The following TMED8 variants were observed in gnomAD, a reference collection of about 807,000 sequenced individuals.
TMED8 encodes the protein transmembrane p24 trafficking protein family member 8.
A neutral mutation model predicts 32.7 loss-of-function variants in TMED8; 15 were observed. The observed-to-expected ratio is 0.46, with a 90% CI of 0.31 to 0.71. The LOEUF is 0.71. Among genes scored for constraint, TMED8 ranks in the 30% least tolerant of loss-of-function variants. TMED8 has a pLI of 0.06. For synonymous variants in TMED8, 147 were observed against 161.4 expected, an observed-to-expected ratio of 0.91 and a Z score of 0.68; for missense variants, 390 against 423.9, an observed-to-expected ratio of 0.92 and a Z score of 0.70.
chr14:77,342,472 G>A (rs866765455), intron 5 of TMED8, among the ~76,000 whole-genome samples: 4 of 152,026 alleles, frequency 2.6e-5, no homozygotes, highest in Non-Finnish European at 5.9e-5. Flanking sequence ...AAGGTTCTCC[G>A]CTTTCCCAGA....
At chr14:77,366,027 C>T (rs1893545503) in intron 1 of TMED8, among the ~76,000 whole-genome samples, 2 of 152,300 alleles carry the variant, frequency 1.3e-5, no homozygotes, top group Admixed American at 6.5e-5. Context: ...CTCCTAGCAA[C>T]ACTTATTTTC....
intron 1 of TMED8, among the ~76,000 whole-genome samples, chr14:77,370,778 CTTT>C: frequency 6.7e-6 from 1 of 149,324 alleles, no homozygotes; most frequent in East Asian, 2.0e-4. Flanking sequence ...TACTTTTTCA[CTTT>C]TTTACACAAA....
rs926099864 is a variant in TMED8, at chr14:77,338,894, CAAAACT to C, written c.*2871_*2876del. 2.0e-5 allele frequency: 3 copies of C among 152,154 alleles called. No homozygotes were observed. Among genetic ancestry groups the C allele is most frequent in the African/African-American group, 7.2e-5 (3 of 41,424 alleles). The allele number at this position is 152,154 out of a possible 1,614,324, so 9.4% of individuals were successfully genotyped here. On this transcript the variant is annotated 3_prime_UTR_variant, in exon 6 of 6. Transcript: ENST00000216468. ...AAAGGCCCATCTCTCAACAAAGTGG[CAAAACT>C]AAAACTAAAGAAATTTAAGAACTCA... is the stretch of plus-strand genomic sequence containing the variant.
intron 2 of TMED8, among the ~76,000 whole-genome samples, chr14:77,349,626 C>A (rs909164578): frequency 2.6e-5 from 4 of 152,130 alleles, no homozygotes; most frequent in Admixed American, 2.0e-4. Flanking sequence ...TTCCTTCCTG[C>A]AGGTTTTCTG....
chr14:77,366,742 T>G (rs1403856537), intron 1 of TMED8, among the ~76,000 whole-genome samples: 1 of 152,200 alleles, frequency 6.6e-6, no homozygotes, highest in Non-Finnish European at 1.5e-5. Context: ...GGCATCACCA[T>G]ATTGAATAGT....
At chr14:77,348,691 A>T (rs1183013036) in intron 2 of TMED8, among the ~76,000 whole-genome samples, 2 of 152,154 alleles carry the variant, frequency 1.3e-5, no homozygotes, top group Non-Finnish European at 2.9e-5. Flanking sequence ...TATACACCTC[A>T]TGGGGGAAAC....
At chr14:77,375,800 A>G (rs1474453838) in intron 1 of TMED8, among the ~76,000 whole-genome samples, 1 of 152,244 alleles carries the variant, frequency 6.6e-6, no homozygotes, top group Non-Finnish European at 1.5e-5. Flanking sequence ...AAGAGACCTT[A>G]CTGTCACAAT....
Position 77,343,711 on chromosome 14 carries a change from C to G in TMED8, c.440G>C (p.Gly147Ala). ...AAAGGTCTCACCTTTCCTGTGGTCC[C>G]CCAGAAGATCTGCAGATTCCAAATC... ...SADLESADLL[G>A]DHRKVSPPLM... The change falls in exon 4 of 6, where the codon GGG (glycine) becomes GCG (alanine). Residue 147 changes from glycine to alanine, a missense_variant. Physicochemically the swap from Gly to Ala is moderately conservative, Grantham distance 60. Coordinates refer to ENST00000216468, the MANE Select transcript of TMED8 (RefSeq NM_213601.3). 1 of 1,614,196 alleles carries G rather than the reference C, an allele frequency of 6.2e-7. No homozygotes were observed. Among genetic ancestry groups the G allele is most frequent in the Non-Finnish European group, 8.5e-7 (1 of 1,180,050 alleles).
intron 1 of TMED8, among the ~76,000 whole-genome samples, chr14:77,369,063 T>C (rs1893620143): frequency 6.6e-6 from 1 of 152,208 alleles, no homozygotes; most frequent in Admixed American, 6.5e-5. Context: ...ACCGAGTTGA[T>C]TTTTTGTGTA....
rs1437660382 is a variant in TMED8, at chr14:77,338,629, T to A, written c.*3142A>T. The stretch of plus-strand genomic sequence containing the variant: ...TATGGCTTTGCCTGGACCTTCTGTC[T>A]CCCTCAAATGTATAAAACTGTAACC... On this transcript the variant is annotated 3_prime_UTR_variant, in exon 6 of 6. Coordinates refer to ENST00000216468, the MANE Select transcript of TMED8 (RefSeq NM_213601.3). 6 of 152,208 alleles carry A rather than the reference T, an allele frequency of 3.9e-5. No individual in the cohort carries two copies. The highest frequency in any genetic ancestry group is 3.9e-4 in the Admixed American group (6 of 15,278). The allele number at this position is 152,208 out of a possible 1,614,324, so 9.4% of individuals were successfully genotyped here. A position where few individuals can be genotyped will look rare whatever the true frequency, so the allele number is the denominator to read the frequency against.
Position 77,338,989 on chromosome 14 carries a change from T to C in TMED8, c.*2782A>G, listed in dbSNP as rs915886436. The C allele has an allele frequency of 6.6e-6, 1 of 152,254 alleles. No individual in the cohort carries two copies. The highest frequency in any genetic ancestry group is 2.4e-5 in the African/African-American group (1 of 41,466). The allele number at this position is 152,254 out of a possible 1,614,324, so 9.4% of individuals were successfully genotyped here. A position where few individuals can be genotyped will look rare whatever the true frequency, so the allele number is the denominator to read the frequency against. ...GCACTTTCTTTCAATTGTTTGTTAC[T>C]ATTTGTTTGTGCTCTAGAGAACAGG... On this transcript the variant is annotated 3_prime_UTR_variant, in exon 6 of 6. Transcript: ENST00000216468.
intron 4 of TMED8, 60 bp from the exon 5 acceptor site, chr14:77,343,543 T>C (rs1892959358): frequency 6.3e-7 from 1 of 1,592,070 alleles, no homozygotes; most frequent in South Asian, 1.1e-5. Context: ...ACCCCGGGCA[T>C]TTTGCTAAGA....
chr14:77,335,168 C>G lies in TMED8; in HGVS notation c.*6603G>C, dbSNP rs1892732946. The G allele has an allele frequency of 3.3e-5, 5 of 152,184 alleles. No individual in the cohort carries two copies. In the South Asian group the frequency reaches 8.3e-4, roughly 25 times the overall value. 9.4% of individuals were successfully genotyped at this position (152,184 alleles called of 1,614,324 possible). ...TTGAAGAAGCACAGCTCAGAATCAT[C>G]AGTGTAATCGCAGTAACACACCCAG... is the stretch of plus-strand genomic sequence containing the variant. On this transcript the variant is annotated 3_prime_UTR_variant, in exon 6 of 6. Transcript: ENST00000216468.
intron 1 of TMED8, among the ~76,000 whole-genome samples, chr14:77,372,582 C>T (rs916142840): frequency 1.3e-5 from 2 of 152,050 alleles, no homozygotes; most frequent in African/African-American, 2.4e-5. Context: ...ACCATGTGAT[C>T]CAATTTCTCT....
chr14:77,351,466 C>T (rs560682535), intron 2 of TMED8, among the ~76,000 whole-genome samples: 6 of 122,554 alleles, frequency 4.9e-5, no homozygotes, highest in South Asian at 2.7e-4. Flanking sequence ...TTTCACTGTG[C>T]TAGCCAGGAT....
chr14:77,365,022 A>G (rs554845285), intron 1 of TMED8, among the ~76,000 whole-genome samples: 1 of 152,350 alleles, frequency 6.6e-6, no homozygotes, highest in South Asian at 2.1e-4. Context: ...TTGTTGTTTA[A>G]TAAGGGAATT....
At chr14:77,364,042 G>C (rs1158910401) in intron 1 of TMED8, among the ~76,000 whole-genome samples, 1 of 152,204 alleles carries the variant, frequency 6.6e-6, no homozygotes, top group Non-Finnish European at 1.5e-5. Context: ...TACATTCACT[G>C]CATCAATATA....
chr14:77,372,403 G>A (rs1893694977), intron 1 of TMED8, among the ~76,000 whole-genome samples: 1 of 152,162 alleles, frequency 6.6e-6, no homozygotes, highest in African/African-American at 2.4e-5. Flanking sequence ...GGGTTCTTTA[G>A]AACAGGCCTC....
In TMED8 at chr14:77,341,720, G is replaced by A. The variant is rs758487114; in HGVS notation, c.*51C>T. The A allele has an allele frequency of 1.3e-6, 2 of 1,585,858 alleles. No individual in the cohort carries two copies. The highest frequency in any genetic ancestry group is 2.2e-5 in the South Asian group (2 of 89,964). On this transcript the variant is annotated 3_prime_UTR_variant, in exon 6 of 6. Transcript: ENST00000216468. Reference sequence around the variant, plus strand: ...CTATCCCAAACAAGAGGCACCAGCTGGCAGCCTGCTTCAGCCAGCAAATAC... The same window carrying A: ...CTATCCCAAACAAGAGGCACCAGCTAGCAGCCTGCTTCAGCCAGCAAATAC...
Sources: allele counts gnomAD v4.1 joint callset (sites outside exome capture counted in the v4.1 genomes callset), GRCh38; gene constraint gnomAD v4.1.1; transcripts MANE v1.5; gene names NCBI Gene and HGNC (gene_info 2026-07-23, HGNC 2026-07-21).